The following KAZN variants were observed in gnomAD, a reference collection of about 807,000 sequenced individuals.
The protein encoded by KAZN is kazrin, periplakin interacting protein.
In KAZN, 40 loss-of-function variants were observed where a neutral mutation model predicts 87.4. The ratio of observed to expected loss-of-function variants is 0.46; its 90% CI spans 0.36 to 0.60. KAZN has a LOEUF of 0.60. Among genes scored for constraint, KAZN ranks in the 20% least tolerant of loss-of-function variants. The probability of loss-of-function intolerance (pLI) is 0.00; values close to 1 mark genes in which losing one functional copy is unlikely to be tolerated. For missense variants in KAZN, 898 were observed against 1,073.9 expected, an observed-to-expected ratio of 0.84 and a Z score of 2.29; for synonymous variants, 466 against 458.3, an observed-to-expected ratio of 1.02 and a Z score of -0.22.
At chr1:14,798,535 C>T (rs1327058809) in intron 1 of KAZN, among the ~76,000 whole-genome samples, 13 of 145,326 alleles carry the variant, frequency 8.9e-5, no homozygotes, top group Non-Finnish European at 1.6e-4. Context: ...CCCAGGTTCA[C>T]GCCATTCTCC....
At chr1:14,941,485 G>C (rs1661067079) in intron 1 of KAZN, among the ~76,000 whole-genome samples, 1 of 149,588 alleles carries the variant, frequency 6.7e-6, no homozygotes, top group African/African-American at 2.5e-5. Flanking sequence ...GAATTTCTCT[G>C]CCTGGGAATT....
At chr1:13,950,219 C>T (rs1030978037) in intron 1 of KAZN, among the ~76,000 whole-genome samples, 2 of 152,126 alleles carry the variant, frequency 1.3e-5, no homozygotes, top group African/African-American at 4.8e-5. Flanking sequence ...CCCGCCTCCT[C>T]CGATGGTCCT....
At chr1:14,607,544 C>T (rs965047277) in intron 1 of KAZN, among the ~76,000 whole-genome samples, 10 of 152,344 alleles carry the variant, frequency 6.6e-5, no homozygotes, top group Admixed American at 4.6e-4. Flanking sequence ...ACTCATTCAT[C>T]GTCAATCCTC....
intron 2 of KAZN, among the ~76,000 whole-genome samples, chr1:14,569,137 GT>G (rs201977276): frequency 6.6e-6 from 1 of 151,090 alleles, no homozygotes; most frequent in African/African-American, 2.4e-5. Flanking sequence ...GTTGTGTGAG[GT>G]TTTTTTTTCT....
rs150010897 is a variant in KAZN at position 14,741,188 on chromosome 1, G to A, written c.226+141965G>A. Among the ~76,000 whole-genome samples, 221 of 152,340 alleles carry A rather than the reference G, an allele frequency of 1.5e-3. 4 individuals are homozygous for A. The highest frequency in any genetic ancestry group is 2.9e-3 in the East Asian group (15 of 5,184). On this transcript the variant is annotated intron_variant, in intron 1 of 14. Transcript: ENST00000376030. ...TGATTGGTGCTTCACTTTTAAATGCGTGCATGAATAAATGGACTTGTCTTT... is the reference window on the plus strand; with the variant it reads ...TGATTGGTGCTTCACTTTTAAATGCATGCATGAATAAATGGACTTGTCTTT...
intron 1 of KAZN, among the ~76,000 whole-genome samples, chr1:14,042,570 C>T (rs1434286865): frequency 1.3e-5 from 2 of 152,168 alleles, no homozygotes; most frequent in Non-Finnish European, 2.9e-5. Flanking sequence ...TATTTTATCA[C>T]TTCATATATT....
intron 2 of KAZN, among the ~76,000 whole-genome samples, chr1:14,283,507 T>G (rs1248076066): frequency 6.6e-6 from 1 of 152,166 alleles, no homozygotes; most frequent in Non-Finnish European, 1.5e-5. Context: ...CATCGTTAAC[T>G]ATCAGGGAAA....
intron 2 of KAZN, among the ~76,000 whole-genome samples, chr1:14,402,276 C>G (rs550978787): frequency 6.6e-6 from 1 of 151,640 alleles, no homozygotes; most frequent in African/African-American, 2.4e-5. Context: ...GGAAAAATAG[C>G]CTGTTCCTAA....
At chr1:14,849,283 C>A (rs764783082) in intron 1 of KAZN, among the ~76,000 whole-genome samples, 9 of 152,232 alleles carry the variant, frequency 5.9e-5, no homozygotes, top group Non-Finnish European at 1.2e-4. Context: ...GAGGTTCCAG[C>A]TGAACATTAC....
chr1:14,078,550 C>T (rs1459395334), intron 1 of KAZN, among the ~76,000 whole-genome samples: 2 of 152,232 alleles, frequency 1.3e-5, no homozygotes, highest in Non-Finnish European at 2.9e-5. Flanking sequence ...TCTCACAGCT[C>T]TGCAGGCTGG....
chr1:14,789,693 G>C (rs1382852748), intron 1 of KAZN, among the ~76,000 whole-genome samples: 3 of 129,862 alleles, frequency 2.3e-5, no homozygotes, highest in African/African-American at 5.8e-5. Flanking sequence ...CTGTCCTCAA[G>C]TCATCTGTCC....
chr1:14,591,397 G>A (rs1312712720), intron 2 of KAZN, among the ~76,000 whole-genome samples: 1 of 148,490 alleles, frequency 6.7e-6, no homozygotes, highest in Non-Finnish European at 1.5e-5. Flanking sequence ...CTCTTGTAAG[G>A]CCCCGAACAG....
At chr1:14,464,008 A>G (rs4661288) in intron 2 of KAZN, among the ~76,000 whole-genome samples, 1 of 152,146 alleles carries the variant, frequency 6.6e-6, no homozygotes, top group African/African-American at 2.4e-5. Flanking sequence ...CCTAAGGAAC[A>G]CTAGGAAGAC....
In KAZN at chr1:14,214,725, G is replaced by A. The variant is rs546217207; in HGVS notation, c.249+34133G>A. Among the ~76,000 whole-genome samples the A allele has an allele frequency of 2.0e-5, 3 of 152,304 alleles. No individual in the cohort carries two copies. In the East Asian group the frequency reaches 5.8e-4, roughly 29 times the overall value. On this transcript the variant is annotated intron_variant, in intron 2 of 16. Transcript: ENST00000636203. ...GAGCATGAAAAACAAATAGAATAGAGGTAGCCACTTACCAAGAGAATGAAG... is the reference window on the plus strand; with the variant it reads ...GAGCATGAAAAACAAATAGAATAGAAGTAGCCACTTACCAAGAGAATGAAG...
At chr1:14,031,436 A>G (rs1179738947) in intron 1 of KAZN, among the ~76,000 whole-genome samples, 2 of 152,210 alleles carry the variant, frequency 1.3e-5, no homozygotes, top group Non-Finnish European at 2.9e-5. Flanking sequence ...GCACTGATTT[A>G]ATTCGTTGCT....
At chr1:14,754,535 A>G (rs926863790) in intron 1 of KAZN, among the ~76,000 whole-genome samples, 1 of 152,166 alleles carries the variant, frequency 6.6e-6, no homozygotes, top group Non-Finnish European at 1.5e-5. Context: ...TGGGAGGCTG[A>G]GGCAAGAGGA....
chr1:14,858,298 C>A (rs1244119211), intron 1 of KAZN, among the ~76,000 whole-genome samples: 2 of 148,934 alleles, frequency 1.3e-5, no homozygotes, highest in Admixed American at 6.7e-5. Context: ...CCGCAACCTC[C>A]ACCTCCCAGG....
rs373523725 is a variant in KAZN, at chr1:14,308,583, T to C, written c.249+127991T>C. 3.9e-5 allele frequency among the ~76,000 whole-genome samples: 6 copies of C among 152,170 alleles called. No individual in the cohort carries two copies. In the East Asian group the frequency reaches 9.6e-4, roughly 24 times the overall value. ...ATAGAGTAGCAGTTGCAAGTGTAGG[T>C]ACTGAAATTGTACTGCCTGGTGTAA... On this transcript the variant is annotated intron_variant, in intron 2 of 16. Coordinates refer to the KAZN transcript ENST00000636203.
At position 14,643,238 on chromosome 1, in the gene KAZN, G is replaced by C. The variant is rs576449991; in HGVS notation, c.226+44015G>C. On this transcript the variant is annotated intron_variant, in intron 1 of 14. Coordinates refer to ENST00000376030, the MANE Select transcript of KAZN (RefSeq NM_201628.3). ...TATAGGTAAACTTGTGTCACAACGA[G>C]GGGGAGTTGCCTTACAGGTTATTTC... 2.6e-5 allele frequency among the ~76,000 whole-genome samples: 4 copies of C among 152,292 alleles called. No homozygotes were observed. The East Asian group carries it at 7.7e-4, about 29-fold the overall frequency.
Sources: allele counts gnomAD v4.1 joint callset (sites outside exome capture counted in the v4.1 genomes callset), GRCh38; gene constraint gnomAD v4.1.1; transcripts MANE v1.5; gene names NCBI Gene and HGNC (gene_info 2026-07-23, HGNC 2026-07-21).